SNRPN: variants seen among roughly 807,000 people sequenced by gnomAD.
SNRPN encodes the protein small nuclear ribonucleoprotein polypeptide N.
A neutral mutation model predicts 25.2 loss-of-function variants in SNRPN; 7 were observed. The ratio of observed to expected loss-of-function variants is 0.28; its 90% CI spans 0.16 to 0.52. SNRPN has a LOEUF of 0.52. SNRPN is among the 20% of genes least tolerant of loss of function. SNRPN has a pLI of 0.96. For missense variants in SNRPN, 196 were observed against 322.5 expected (o/e 0.61, Z 3.00); for synonymous variants, 124 against 110.6 (o/e 1.12, Z -0.76).
In SNRPN at chr15:24,824,686, C is replaced by G. The variant is rs543254664; in HGVS notation, c.-687+836C>G. ...TTTTATTGACTTAGTCAATAGTTTA[C>G]CTACTTTTTAGGTTTTACGTGCTCC... On this transcript the variant is annotated intron_variant, in intron 1 of 12. Transcript: ENST00000400100. Among the ~76,000 whole-genome samples the G allele has an allele frequency of 4.3e-4, 66 of 152,004 alleles. 1 individual carries two copies. The highest frequency in any genetic ancestry group is 1.5e-3 in the African/African-American group (61 of 41,406).
intron 1 of SNRPN, among the ~76,000 whole-genome samples, chr15:24,876,406 CAGG>C (rs2055880919): frequency 6.7e-6 from 1 of 150,006 alleles, no homozygotes; most frequent in Non-Finnish European, 1.5e-5. Context: ...CACCTGAGGT[CAGG>C]AGTTTGAGAC....
At chr15:24,925,397 G>A (rs892646474) in intron 3 of SNRPN, among the ~76,000 whole-genome samples, 1 of 151,884 alleles carries the variant, frequency 6.6e-6, no homozygotes, top group African/African-American at 2.4e-5. Context: ...ATCGCTCAAG[G>A]CCAGGAGTTC....
At chr15:24,958,568 T>G (rs1031723080) in intron 1 of SNRPN, among the ~76,000 whole-genome samples, 2 of 140,372 alleles carry the variant, frequency 1.4e-5, no homozygotes, top group Non-Finnish European at 3.0e-5. Flanking sequence ...CTCGAACTGC[T>G]AGACTCAAGC....
intron 1 of SNRPN, among the ~76,000 whole-genome samples, chr15:24,860,905 T>C (rs899688010): frequency 8.5e-5 from 13 of 152,256 alleles, no homozygotes; most frequent in African/African-American, 3.1e-4. Flanking sequence ...AATGCAGGGA[T>C]TGGGTTGAGG....
chr15:24,824,350 T>A (rs1158139513), intron 1 of SNRPN, among the ~76,000 whole-genome samples: 1 of 152,112 alleles, frequency 6.6e-6, no homozygotes, highest in Non-Finnish European at 1.5e-5. Flanking sequence ...ATGAGTGTCG[T>A]CATATTGTTT....
intron 2 of SNRPN, chr15:24,849,223 G>C (rs1461407295): frequency 6.6e-6 from 1 of 152,282 alleles, no homozygotes; most frequent in Non-Finnish European, 1.5e-5. Flanking sequence ...GAGCCACCGC[G>C]CTCGGCCTCT....
At chr15:24,935,720 G>A (rs1164874151) in intron 3 of SNRPN, among the ~76,000 whole-genome samples, 1 of 152,206 alleles carries the variant, frequency 6.6e-6, no homozygotes, top group Non-Finnish European at 1.5e-5. Context: ...GAGCAGTGGA[G>A]TCTGAAAAGT....
At chr15:24,940,409 A>G (rs1157846621) in intron 3 of SNRPN, among the ~76,000 whole-genome samples, 1 of 152,150 alleles carries the variant, frequency 6.6e-6, no homozygotes, top group Non-Finnish European at 1.5e-5. Context: ...GTCCAACTTC[A>G]TTCTTTTGCA....
intron 1 of SNRPN, among the ~76,000 whole-genome samples, chr15:24,959,505 G>C (rs1484639918): frequency 1.3e-5 from 2 of 152,126 alleles, no homozygotes. Flanking sequence ...ATTTTGGTTT[G>C]ATGGCTATTT....
In SNRPN at chr15:24,929,407, C is replaced by T. The variant is rs1207246084; in HGVS notation, c.-391+9283C>T. Among the ~76,000 whole-genome samples, 1 of 152,174 alleles carries T rather than the reference C, an allele frequency of 6.6e-6. No homozygotes were observed. The highest frequency in any genetic ancestry group is 1.9e-4 in the East Asian group (1 of 5,176). Reference sequence around the variant, plus strand: ...GCCAGACAAGAGGAGCATCATCATACACACATCATAGATTTAATATTAAAC... The same window carrying T: ...GCCAGACAAGAGGAGCATCATCATATACACATCATAGATTTAATATTAAAC... On this transcript the variant is annotated intron_variant, in intron 3 of 11. Transcript: ENST00000400097. The surrounding 1 kb of genome is among the most constrained non-coding windows in gnomAD (Gnocchi z 5.3).
At chr15:24,899,722 G>A (rs2058329955) in intron 2 of SNRPN, among the ~76,000 whole-genome samples, 1 of 152,138 alleles carries the variant, frequency 6.6e-6, no homozygotes. Context: ...CACCTAAGTG[G>A]GAAGATTTCT....
chr15:24,900,093 G>A (rs997550606), intron 2 of SNRPN, among the ~76,000 whole-genome samples: 1 of 152,164 alleles, frequency 6.6e-6, no homozygotes, highest in African/African-American at 2.4e-5. Context: ...ACTGAAACAC[G>A]TGCCTTGGGA....
chr15:24,913,444 A>C (rs75095637), intron 2 of SNRPN, among the ~76,000 whole-genome samples: 11,770 of 152,084 alleles, frequency 0.077, 625 homozygotes, highest in East Asian at 0.32. Context: ...GGAGTTTGAG[A>C]CCAGCCTGGC....
intron 2 of SNRPN, chr15:24,911,125 T>C: frequency 1.9e-6 from 2 of 1,069,534 alleles, no homozygotes; most frequent in Non-Finnish European, 2.6e-6. Flanking sequence ...GCAAGAAGCA[T>C]GTTCTTGTGG....
intron 2 of SNRPN, among the ~76,000 whole-genome samples, chr15:24,845,902 T>C (rs993291652): frequency 3.3e-5 from 5 of 151,832 alleles, no homozygotes; most frequent in African/African-American, 1.2e-4. Flanking sequence ...GACCAAGGCA[T>C]GGTGAAACCC....
At chr15:24,879,327 C>G (rs548819099) in intron 1 of SNRPN, among the ~76,000 whole-genome samples, 1 of 151,930 alleles carries the variant, frequency 6.6e-6, no homozygotes, top group South Asian at 2.1e-4. Flanking sequence ...GTCCTAGCTA[C>G]TCGGGAGGCT....
intron 2 of SNRPN, among the ~76,000 whole-genome samples, chr15:24,918,546 G>GTGTGTATATATAACATAATATATA (rs1566909187): frequency 3.5e-5 from 3 of 86,916 alleles, no homozygotes; most frequent in Non-Finnish European, 6.7e-5. Flanking sequence ...TAATATATAT[G>GTGTGTATATATAACATAATATATA]TGTGTATATA....
intron 2 of SNRPN, among the ~76,000 whole-genome samples, chr15:24,887,301 C>T (rs748680173): frequency 6.6e-6 from 1 of 151,980 alleles, no homozygotes; most frequent in Non-Finnish European, 1.5e-5. Context: ...GCATGCGCCA[C>T]CATGCCTGGC....
chr15:24,861,456 G>T (rs1031802391), intron 1 of SNRPN, among the ~76,000 whole-genome samples: 1 of 152,192 alleles, frequency 6.6e-6, no homozygotes, highest in African/African-American at 2.4e-5. Context: ...CAGTTGCCAT[G>T]CCTGGAGCTT....
Sources: gnomAD v4.1 joint callset for allele counts (sites outside exome capture counted in the v4.1 genomes callset) on GRCh38, gnomAD v4.1.1 for gene constraint, Gnocchi (gnomAD v3.1) non-coding constraint, MANE v1.5 for transcripts, NCBI Gene and HGNC (gene_info 2026-07-23, HGNC 2026-07-21) for gene names.